TMEM163: variants seen among roughly 807,000 people sequenced by gnomAD.
The protein encoded by TMEM163 is transmembrane protein 163.
In TMEM163, 17 loss-of-function variants were observed where a neutral mutation model predicts 29.3. The observed-to-expected ratio is 0.58, with a 90% confidence interval of 0.40 to 0.87. The LOEUF is 0.87. TMEM163 is among the 40% of genes least tolerant of loss of function. The probability of loss-of-function intolerance (pLI) is 0.00; values close to 1 mark genes in which losing one functional copy is unlikely to be tolerated. For synonymous variants in TMEM163, 157 were observed against 160.6 expected, an observed-to-expected ratio of 0.98 and a Z score of 0.17; for missense variants, 303 against 381.5, an observed-to-expected ratio of 0.79 and a Z score of 1.71.
chr2:134,662,436 G>A (rs1683776214), intron 2 of TMEM163, among the ~76,000 whole-genome samples: 1 of 152,158 alleles, frequency 6.6e-6, no homozygotes, highest in Admixed American at 6.5e-5. Context: ...GGGGGAGGCA[G>A]AGCCAGAATG....
rs140671372 is a variant in TMEM163 at position 134,637,068 on chromosome 2, G to A, written c.322+76132C>T. Among the ~76,000 whole-genome samples the A allele has an allele frequency of 4.5e-3, 684 of 152,264 alleles. 6 individuals carry two copies. Among genetic ancestry groups the A allele is most frequent in the African/African-American group, 0.016 (649 of 41,542 alleles). Reference sequence around the variant, plus strand: ...CTCCAGTCTCCCACACAGCTAGCTCGGACTGAATTACTCTTTCTCTATTGC... The same window carrying A: ...CTCCAGTCTCCCACACAGCTAGCTCAGACTGAATTACTCTTTCTCTATTGC... On this transcript the variant is annotated intron_variant, in intron 2 of 7. Coordinates refer to ENST00000281924, the MANE Select transcript of TMEM163 (RefSeq NM_030923.5).
At chr2:134,479,214 C>T (rs1450400778) in intron 5 of TMEM163, among the ~76,000 whole-genome samples, 2 of 152,230 alleles carry the variant, frequency 1.3e-5, no homozygotes, top group Non-Finnish European at 2.9e-5. Context: ...TGAACTAAGA[C>T]AGTCCTGCAG....
At chr2:134,502,693 C>G (rs940329291) in intron 5 of TMEM163, among the ~76,000 whole-genome samples, 3 of 152,144 alleles carry the variant, frequency 2.0e-5, no homozygotes, top group South Asian at 2.1e-4. Flanking sequence ...GAACCCAGTC[C>G]TAGCTCACCT....
intron 2 of TMEM163, among the ~76,000 whole-genome samples, chr2:134,585,671 G>A (rs890912093): frequency 2.2e-4 from 34 of 152,166 alleles, no homozygotes; most frequent in African/African-American, 7.5e-4. Context: ...GAACCCGGGA[G>A]GCGGAGCTTG....
At chr2:134,698,249 T>A (rs1225663668) in intron 2 of TMEM163, among the ~76,000 whole-genome samples, 1 of 152,192 alleles carries the variant, frequency 6.6e-6, no homozygotes, top group Non-Finnish European at 1.5e-5. Context: ...GGGTGCAAAA[T>A]CACCTCTGAT....
chr2:134,486,377 A>G (rs1202630424), intron 5 of TMEM163, among the ~76,000 whole-genome samples: 3 of 152,208 alleles, frequency 2.0e-5, no homozygotes, highest in African/African-American at 4.8e-5. Flanking sequence ...GATCCACAGA[A>G]TCAAACACTT....
At chr2:134,674,124 CAA>C (rs2104868955) in intron 2 of TMEM163, among the ~76,000 whole-genome samples, 1 of 152,204 alleles carries the variant, frequency 6.6e-6, no homozygotes, top group African/African-American at 2.4e-5. Flanking sequence ...TTTATGTGAA[CAA>C]ACACATACTT....
At chr2:134,627,319 A>G (rs984798284) in intron 2 of TMEM163, among the ~76,000 whole-genome samples, 2 of 152,094 alleles carry the variant, frequency 1.3e-5, no homozygotes, top group East Asian at 1.9e-4. Flanking sequence ...TTCTTTTTGC[A>G]TTTTATTTAT....
intron 2 of TMEM163, among the ~76,000 whole-genome samples, chr2:134,663,125 A>C (rs1248940901): frequency 6.6e-6 from 1 of 152,234 alleles, no homozygotes; most frequent in African/African-American, 2.4e-5. Flanking sequence ...AACAAAAAAA[A>C]CTTTGCTACA....
At chr2:134,632,974 G>A (rs1194591145) in intron 2 of TMEM163, among the ~76,000 whole-genome samples, 1 of 147,592 alleles carries the variant, frequency 6.8e-6, no homozygotes, top group East Asian at 2.0e-4. Flanking sequence ...TAGCCGGGAT[G>A]GTCTCGATCT....
At position 134,613,336 on chromosome 2, in the gene TMEM163, A is replaced by C. The variant is rs142053147; in HGVS notation, c.323-61245T>G. On this transcript the variant is annotated intron_variant, in intron 2 of 7. Transcript: ENST00000281924. ...CAAAAGATGTGTAAAAGATACCCCCAAAACTGGAGAAATAATGGTTCACAA... is the reference window on the plus strand; with the variant it reads ...CAAAAGATGTGTAAAAGATACCCCCCAAACTGGAGAAATAATGGTTCACAA... 2.6e-4 allele frequency among the ~76,000 whole-genome samples: 39 copies of C among 152,344 alleles called. 2 individuals carry two copies. The highest frequency in any genetic ancestry group is 8.7e-4 in the African/African-American group (36 of 41,586).
At chr2:134,542,285 T>TCCC (rs903731436) in intron 4 of TMEM163, among the ~76,000 whole-genome samples, 18 of 152,182 alleles carry the variant, frequency 1.2e-4, no homozygotes, top group Admixed American at 1.2e-3. Context: ...GTCGTGACCC[T>TCCC]CCCTCCCTTT....
intron 2 of TMEM163, among the ~76,000 whole-genome samples, chr2:134,634,442 CAA>C (rs1302942090): frequency 2.6e-5 from 4 of 152,292 alleles, no homozygotes; most frequent in African/African-American, 9.6e-5. Flanking sequence ...GTACCATGAA[CAA>C]TAATTCAAGA....
Position 134,456,324 on chromosome 2 carries a change from G to A in TMEM163, c.*392C>T, listed in dbSNP as rs913807068. The stretch of plus-strand genomic sequence containing the variant: ...AGACCTGCCAGGAAAGGAGAGACTT[G>A]GAACCAGGAGTGGCAGGGCCACCCA... On this transcript the variant is annotated 3_prime_UTR_variant, in exon 8 of 8. Transcript: ENST00000281924. 9 of 180,980 alleles carry A rather than the reference G, an allele frequency of 5.0e-5. No individual in the cohort carries two copies. The highest frequency in any genetic ancestry group is 1.1e-4 in the Admixed American group (2 of 17,564). 11.2% of individuals were successfully genotyped at this position (180,980 alleles called of 1,614,324 possible).
At chr2:134,586,512 G>A (rs1681827510) in intron 2 of TMEM163, among the ~76,000 whole-genome samples, 1 of 152,180 alleles carries the variant, frequency 6.6e-6, no homozygotes. Flanking sequence ...AAGGACGCTA[G>A]TCATGTTGCA....
At chr2:134,619,692 C>T (rs1047510832) in intron 2 of TMEM163, among the ~76,000 whole-genome samples, 4 of 152,272 alleles carry the variant, frequency 2.6e-5, no homozygotes, top group African/African-American at 9.6e-5. Flanking sequence ...CTATTCAACA[C>T]TGCACTAGAG....
chr2:134,612,542 A>AACACACACACACAC (rs3039625), intron 2 of TMEM163, among the ~76,000 whole-genome samples: 8,908 of 140,502 alleles, frequency 0.063, 340 homozygotes, highest in South Asian at 0.085. Flanking sequence ...GGTTTGCCCC[A>AACACACACACACAC]ACACACACAC....
intron 6 of TMEM163, among the ~76,000 whole-genome samples, chr2:134,461,343 A>G (rs1231553518): frequency 2.0e-5 from 3 of 152,190 alleles, no homozygotes; most frequent in African/African-American, 7.2e-5. Context: ...AAAGATCATC[A>G]TAGATGGGGT....
At chr2:134,556,637 T>C (rs1019241607) in intron 2 of TMEM163, among the ~76,000 whole-genome samples, 1 of 151,936 alleles carries the variant, frequency 6.6e-6, no homozygotes, top group Admixed American at 6.6e-5. Flanking sequence ...CTGGGCAATA[T>C]AGTGAGACCT....
Sources: allele counts gnomAD v4.1 joint callset (sites outside exome capture counted in the v4.1 genomes callset), GRCh38; gene constraint gnomAD v4.1.1; transcripts MANE v1.5; gene names NCBI Gene and HGNC (gene_info 2026-07-23, HGNC 2026-07-21).